Variants in SATB2 observed in about 807,000 individuals in gnomAD.
SATB2 encodes SATB homeobox 2, also known as DNA-binding protein SATB2.
Under a neutral mutation model 73.4 loss-of-function variants are expected in SATB2, and 1 was observed. That is an observed-to-expected ratio of 0.01 (90% CI 0.00 to 0.06). The LOEUF (loss-of-function observed/expected upper bound fraction) is 0.06. SATB2 is among the 10% of genes least tolerant of loss of function. The probability of loss-of-function intolerance (pLI) is 1.00; values close to 1 mark genes in which losing one functional copy is unlikely to be tolerated. For missense variants in SATB2, 459 were observed against 945.8 expected (o/e 0.49, Z 6.75); for synonymous variants, 397 against 367.0 (o/e 1.08, Z -0.93).
At chr2:199,443,061 G>A (rs1000007433) in intron 2 of SATB2, among the ~76,000 whole-genome samples, 1 of 134,770 alleles carries the variant, frequency 7.4e-6, no homozygotes, top group South Asian at 2.3e-4. Flanking sequence ...TCACTCTGTC[G>A]AAAATAGTAT....
intron 7 of SATB2, chr2:199,348,361 G>C (rs1236851301): frequency 9.9e-6 from 2 of 201,572 alleles, no homozygotes; most frequent in Admixed American, 5.3e-5. Flanking sequence ...AATGGCAAGA[G>C]ACTGATAATC....
intron 3 of SATB2, among the ~76,000 whole-genome samples, chr2:199,426,477 C>T (rs1205225668): frequency 2.0e-5 from 3 of 151,506 alleles, no homozygotes; most frequent in Admixed American, 6.6e-5. Context: ...TTAGTAGAGA[C>T]GGGGTTTGGC....
chr2:199,410,303 C>T (rs1487186929), intron 3 of SATB2, among the ~76,000 whole-genome samples: 1 of 152,186 alleles, frequency 6.6e-6, no homozygotes, highest in African/African-American at 2.4e-5. Flanking sequence ...ATATTTGAGG[C>T]AGCTGGGATG....
intron 2 of SATB2, among the ~76,000 whole-genome samples, chr2:199,441,551 C>G (rs1691816223): frequency 6.6e-6 from 1 of 152,094 alleles, no homozygotes; most frequent in Admixed American, 6.5e-5. Context: ...CTAGTAAAAC[C>G]AGATACTACT....
intron 10 of SATB2, among the ~76,000 whole-genome samples, chr2:199,294,258 A>G (rs945029411): frequency 6.6e-6 from 1 of 152,184 alleles, no homozygotes; most frequent in Non-Finnish European, 1.5e-5. Flanking sequence ...AAATATATAG[A>G]GATCATCAAA....
intron 3 of SATB2, among the ~76,000 whole-genome samples, chr2:199,389,805 T>C: frequency 6.6e-6 from 1 of 152,162 alleles, no homozygotes; most frequent in East Asian, 1.9e-4. Flanking sequence ...AATTTTAGAG[T>C]ACTTTCTGAA....
intron 9 of SATB2, among the ~76,000 whole-genome samples, chr2:199,309,696 C>T (rs971085508): frequency 1.1e-4 from 17 of 152,164 alleles, no homozygotes; most frequent in African/African-American, 4.1e-4. Flanking sequence ...GAAAATAATA[C>T]AGAGGATGCT....
Position 199,278,037 on chromosome 2 carries a change from T to C in SATB2, c.1741-5365A>G, listed in dbSNP as rs1229212306. 2.6e-5 allele frequency among the ~76,000 whole-genome samples: 4 copies of C among 152,074 alleles called. No individual in the cohort carries two copies. In the East Asian group the frequency reaches 5.8e-4, roughly 22 times the overall value. ...AACAAAGTCTTTAGAGTAGAGGAGA[T>C]AGATCGTAAATAAAATATCAGCTAG... is the stretch of plus-strand genomic sequence containing the variant. On this transcript the variant is annotated intron_variant, in intron 10 of 10. Coordinates refer to ENST00000417098, the MANE Select transcript of SATB2 (RefSeq NM_001172509.2).
chr2:199,284,804 A>G (rs1161705091), intron 10 of SATB2, among the ~76,000 whole-genome samples: 1 of 152,100 alleles, frequency 6.6e-6, no homozygotes, highest in African/African-American at 2.4e-5. Flanking sequence ...AAGAATGGTT[A>G]TATCTGTACC....
chr2:199,303,461 G>C (rs1460604727), intron 10 of SATB2, among the ~76,000 whole-genome samples: 1 of 152,146 alleles, frequency 6.6e-6, no homozygotes, highest in African/African-American at 2.4e-5. Flanking sequence ...ACAAAACTCA[G>C]AATCAGTCTC....
chr2:199,464,826 A>C lies in SATB2; in HGVS notation c.-141+10T>G, dbSNP rs1692561972. 1 of 152,398 alleles carries C rather than the reference A, an allele frequency of 6.6e-6. No homozygotes were observed. The highest frequency in any genetic ancestry group is 2.4e-5 in the African/African-American group (1 of 41,440). 9.4% of individuals were successfully genotyped at this position (152,398 alleles called of 1,614,324 possible). On this transcript the variant is annotated intron_variant, in intron 1 of 11. Coordinates refer to the SATB2 transcript ENST00000260926. The surrounding 1 kb of genome is among the most constrained non-coding windows in gnomAD (Gnocchi z 6.6). ...CGTGTCGGGCCCTGCGCCCCTGCCC[A>C]GTGGCTCACCTCGGCTCGCTGCGCC...
chr2:199,298,896 G>T (rs970691533), intron 10 of SATB2, among the ~76,000 whole-genome samples: 1 of 152,168 alleles, frequency 6.6e-6, no homozygotes, highest in Non-Finnish European at 1.5e-5. Flanking sequence ...GTAGAAAATT[G>T]AAACAGAAAA....
At chr2:199,456,364 CA>C (rs1438288611) in intron 1 of SATB2, among the ~76,000 whole-genome samples, 1 of 152,242 alleles carries the variant, frequency 6.6e-6, no homozygotes, top group African/African-American at 2.4e-5. Context: ...GGTTGGCACC[CA>C]GGGGCGCCTA....
intron 3 of SATB2, among the ~76,000 whole-genome samples, chr2:199,386,436 C>A (rs541249001): frequency 5.9e-5 from 9 of 152,240 alleles, no homozygotes; most frequent in African/African-American, 2.2e-4. Context: ...ATTACAACAG[C>A]CTCTTCCTGG....
intron 10 of SATB2, among the ~76,000 whole-genome samples, chr2:199,305,460 C>T (rs1007641909): frequency 4.1e-4 from 63 of 152,226 alleles, no homozygotes; most frequent in African/African-American, 1.4e-3. Flanking sequence ...ACAAGTTTAC[C>T]TATGTAATGA....
At chr2:199,307,328 T>A (rs997183709) in intron 10 of SATB2, among the ~76,000 whole-genome samples, 5 of 152,194 alleles carry the variant, frequency 3.3e-5, no homozygotes, top group Non-Finnish European at 7.3e-5. Flanking sequence ...GGCCCCTCTT[T>A]AATTTTAATT....
chr2:199,311,173 C>A (rs1687584018), intron 9 of SATB2, among the ~76,000 whole-genome samples: 1 of 152,076 alleles, frequency 6.6e-6, no homozygotes, highest in African/African-American at 2.4e-5. Context: ...GGGAGGTAGC[C>A]AACAAGACCC....
At chr2:199,348,594 A>G in intron 7 of SATB2, 107 bp downstream of exon 7, 1 of 863,980 alleles carries the variant, frequency 1.2e-6, no homozygotes, top group Non-Finnish European at 1.9e-6. Context: ...ATCTAATTCT[A>G]TGTCCTGAGA....
At chr2:199,415,225 G>T (rs768910296) in intron 3 of SATB2, among the ~76,000 whole-genome samples, 5 of 152,136 alleles carry the variant, frequency 3.3e-5, no homozygotes, top group Non-Finnish European at 7.4e-5. Context: ...AGCCCAAAAG[G>T]AAGAAGTTAT....
Sources: allele counts gnomAD v4.1 joint callset (sites outside exome capture counted in the v4.1 genomes callset), GRCh38; gene constraint gnomAD v4.1.1; non-coding constraint Gnocchi (gnomAD v3.1); transcripts MANE v1.5; gene names NCBI Gene and HGNC (gene_info 2026-07-23, HGNC 2026-07-21).